Variants in LRFN1 observed in about 807,000 individuals in gnomAD.
LRFN1 encodes leucine-rich repeat and fibronectin type III domain-containing protein 1.
A neutral mutation model predicts 31.8 loss-of-function variants in LRFN1; 20 were observed. The observed-to-expected ratio is 0.63, with a 90% confidence interval of 0.44 to 0.91. The LOEUF (loss-of-function observed/expected upper bound fraction) is 0.91. LRFN1 is among the 40% of genes least tolerant of loss of function. LRFN1 has a pLI of 0.00. For missense variants in LRFN1, 912 were observed against 1,129.8 expected, an observed-to-expected ratio of 0.81 and a Z score of 2.76; for synonymous variants, 514 against 541.3, an observed-to-expected ratio of 0.95 and a Z score of 0.70.
rs1041255451 is a variant in LRFN1 at position 39,307,034 on chromosome 19, G to T, written c.*599C>A. On this transcript the variant is annotated 3_prime_UTR_variant, in exon 5 of 5. Coordinates refer to ENST00000248668, the MANE Select transcript of LRFN1 (RefSeq NM_020862.2). The surrounding 1 kb of genome is among the most constrained non-coding windows in gnomAD (Gnocchi z 6.7). ...AGGGCCGAGGGACAAGAGACGACAGGACAGAGAGAAAGGAGAGGCAAATAG... is the reference window on the plus strand; with the variant it reads ...AGGGCCGAGGGACAAGAGACGACAGTACAGAGAGAAAGGAGAGGCAAATAG... 1.2e-5 allele frequency: 4 copies of T among 343,746 alleles called. No individual in the cohort carries two copies. Among genetic ancestry groups the T allele is most frequent in the African/African-American group, 6.4e-5 (3 of 47,160 alleles). 21.3% of individuals were successfully genotyped at this position (343,746 alleles called of 1,614,324 possible).
Position 39,315,299 on chromosome 19 carries a change from G to A in LRFN1, c.38C>T (p.Pro13Leu), listed in dbSNP as rs2075168387. ...PGPFSSALLSPPPAALPFLLL... is the reference protein window; with the variant it reads ...PGPFSSALLSLPPAALPFLLL... ...CAGAAAGGGCAGGGCAGCGGGCGGC[G>A]GCGAGAGGAGGGCCGAGGAGAAGGG... The change falls in exon 4 of 5, where the codon CCG becomes CTG. Residue 13 changes from proline to leucine, a missense_variant. Coordinates refer to ENST00000248668, the MANE Select transcript of LRFN1 (RefSeq NM_020862.2). The surrounding 1 kb of genome is among the most constrained non-coding windows in gnomAD (Gnocchi z 4.7). The A allele has an allele frequency of 6.7e-7, 1 of 1,492,560 alleles. No individual in the cohort carries two copies. The highest frequency in any genetic ancestry group is 2.4e-5 in the East Asian group (1 of 41,456). 92.5% of individuals were successfully genotyped at this position (1,492,560 alleles called of 1,614,324 possible).
At chr19:39,317,927 C>T (rs561088304) in intron 2 of LRFN1, among the ~76,000 whole-genome samples, 4 of 152,286 alleles carry the variant, frequency 2.6e-5, no homozygotes, top group African/African-American at 9.6e-5. Context: ...CCCATGCACA[C>T]GCACATACAA....
intron 1 of LRFN1, 97 bp downstream of exon 1, chr19:39,320,695 AG>A (rs2075185889): frequency 6.7e-6 from 1 of 149,340 alleles, no homozygotes; most frequent in African/African-American, 2.5e-5. Context: ...GGCCCGCCGC[AG>A]CGCCACGGAC....
chr19:39,311,931 G>A (rs1021993953), intron 4 of LRFN1, among the ~76,000 whole-genome samples: 6 of 139,022 alleles, frequency 4.3e-5, no homozygotes, highest in East Asian at 2.1e-4. Flanking sequence ...ACCCAATGGC[G>A]CAATCTCCGC....
intron 4 of LRFN1, among the ~76,000 whole-genome samples, chr19:39,311,104 T>G: frequency 6.6e-6 from 1 of 152,086 alleles, no homozygotes; most frequent in African/African-American, 2.4e-5. Flanking sequence ...CCCCCACCCC[T>G]TTTCAAGGAC....
In LRFN1 at chr19:39,314,415, G is replaced by A; in HGVS notation, c.922C>T (p.Arg308Trp). 1 of 1,604,828 alleles carries A rather than the reference G, an allele frequency of 6.2e-7. No homozygotes were observed. Among genetic ancestry groups the A allele is most frequent in the South Asian group, 1.1e-5 (1 of 89,730 alleles). Residue 308 changes from arginine to tryptophan, a missense_variant, in exon 4 of 5, where the codon CGG becomes TGG. Transcript: ENST00000248668. ...PPLITRQAGG[R>W]ALVVEGQAVS... ...GCCTGGCCTTCCACCACCAGGGCCC[G>A]GCCCCCCGCCTGCCGTGTGATCAGC...
At chr19:39,316,942 G>A (rs1038478579) in intron 2 of LRFN1, among the ~76,000 whole-genome samples, 1 of 152,142 alleles carries the variant, frequency 6.6e-6, no homozygotes, top group African/African-American at 2.4e-5. Flanking sequence ...CTGTGTTTGG[G>A]GCTACGGCCT....
chr19:39,317,055 G>C (rs2075174301), intron 2 of LRFN1, among the ~76,000 whole-genome samples: 1 of 152,196 alleles, frequency 6.6e-6, no homozygotes, highest in Admixed American at 6.5e-5. Context: ...CAGGGGGAGG[G>C]AGAAGTGGAC....
Position 39,314,876 on chromosome 19 carries a change from G to A in LRFN1, c.461C>T (p.Ser154Leu). The A allele has an allele frequency of 1.2e-6, 2 of 1,609,948 alleles. No homozygotes were observed. Among genetic ancestry groups the A allele is most frequent in the Non-Finnish European group, 1.7e-6 (2 of 1,178,260 alleles). ...LGNNQIRRVE[S>L]AAFDAFLSTV... ...GGACAGGAAGGCGTCAAAGGCCGCC[G>A]ACTCCACCCGGCGGATCTGGTTGTT... The change falls in exon 4 of 5, where the codon TCG (serine) becomes TTG (leucine). Residue 154 changes from serine (S) to leucine (L), a missense_variant. Physicochemically the swap from Ser to Leu is moderately radical, Grantham distance 145 (BLOSUM62 -2). Transcript: ENST00000248668.
chr19:39,320,354 G>A (rs1344520152), intron 1 of LRFN1, among the ~76,000 whole-genome samples: 2 of 148,378 alleles, frequency 1.3e-5, no homozygotes, highest in Non-Finnish European at 1.5e-5. Context: ...ATGGACACCC[G>A]AGCGGGCACA....
chr19:39,307,584 C>T lies in LRFN1; in HGVS notation c.*49G>A. On this transcript the variant is annotated 3_prime_UTR_variant, in exon 5 of 5. Coordinates refer to ENST00000248668, the MANE Select transcript of LRFN1 (RefSeq NM_020862.2). The surrounding 1 kb of genome is among the most constrained non-coding windows in gnomAD (Gnocchi z 6.7). ...CAGTCCCGCCCCAGCGTCCGTGCGG[C>T]TGGGCGTTTGGTCTGCGGCACCCAG... 7.3e-7 allele frequency: 1 copy of T among 1,362,714 alleles called. No individual in the cohort carries two copies. Among genetic ancestry groups the T allele is most frequent in the Non-Finnish European group, 9.4e-7 (1 of 1,064,068 alleles). 84.4% of individuals were successfully genotyped at this position (1,362,714 alleles called of 1,614,324 possible). A position where few individuals can be genotyped will look rare whatever the true frequency, so the allele number is the denominator to read the frequency against.
At chr19:39,317,459 C>T (rs1278514585) in intron 2 of LRFN1, among the ~76,000 whole-genome samples, 1 of 152,160 alleles carries the variant, frequency 6.6e-6, no homozygotes, top group East Asian at 1.9e-4. Context: ...GTGGGGTCTT[C>T]AGGGCTCAGA....
At position 39,308,485 on chromosome 19, in the gene LRFN1, G is replaced by T; in HGVS notation, c.1464C>A (p.Ala488=). 6.2e-7 allele frequency: 1 copy of T among 1,604,062 alleles called. No individual in the cohort carries two copies. ...AGACCGCCAGCACGCACAAGTCGTA[G>T]GCACGGCCCGCCGCCAGGTCATTCA... The part of the protein sequence containing the change: ...FLVNDLAAGR[A]YDLCVLAVYD... The change falls in exon 5 of 5, where the codon GCC becomes GCA. Residue 488 remains alanine, a synonymous_variant. Coordinates refer to ENST00000248668, the MANE Select transcript of LRFN1 (RefSeq NM_020862.2). This position sits in a 1 kb window ranked among gnomAD's most constrained non-coding sequence, Gnocchi z 6.2.
At position 39,310,082 on chromosome 19, in the gene LRFN1, C is replaced by G. The variant is rs187792645; in HGVS notation, c.1407-1540G>C. On this transcript the variant is annotated intron_variant, in intron 4 of 4. Coordinates refer to ENST00000248668, the MANE Select transcript of LRFN1 (RefSeq NM_020862.2). ...AAGTGATTCTCCTGCCTCAGCCTCC[C>G]GGACAGCTGAGATTACAGGCACCCA... is the stretch of plus-strand genomic sequence containing the variant. Among the ~76,000 whole-genome samples, 61 of 152,278 alleles carry G rather than the reference C, an allele frequency of 4.0e-4. 1 individual carries two copies. The highest frequency in any genetic ancestry group is 8.5e-4 in the Admixed American group (13 of 15,300).
chr19:39,315,074 A>T lies in LRFN1; in HGVS notation c.263T>A (p.Met88Lys). 1 of 1,596,188 alleles carries T rather than the reference A, an allele frequency of 6.3e-7. No homozygotes were observed. Among genetic ancestry groups the T allele is most frequent in the Non-Finnish European group, 8.5e-7 (1 of 1,178,424 alleles). ...GAGAGTGAGGTGCACCAGGCTGGTC[A>T]TGTTGGCGAAGTCTCGGCGGCGCAC... ...AAVRRRDFAN[M>K]TSLVHLTLSR... is the part of the protein sequence containing the mutation. The change falls in exon 4 of 5, where the codon ATG (methionine) becomes AAG (lysine). Residue 88 changes from methionine (M) to lysine (K), a missense_variant. By Grantham distance (95) the Met-to-Lys change is moderately conservative (BLOSUM62 -1). Around this residue, in one of 2 missense-constraint regions of LRFN1, gnomAD observed 401 missense variants for 572.7 expected, o/e 0.70. Coordinates refer to ENST00000248668, the MANE Select transcript of LRFN1 (RefSeq NM_020862.2). This position sits in a 1 kb window ranked among gnomAD's most constrained non-coding sequence, Gnocchi z 4.7.
chr19:39,311,875 CT>C (rs562002567), intron 4 of LRFN1, among the ~76,000 whole-genome samples: 3,714 of 100,568 alleles, frequency 0.037, 70 homozygotes, highest in African/African-American at 0.094. Context: ...AAAAGGGAGG[CT>C]TTTTTTTTTT....
chr19:39,308,058 C>T lies in LRFN1; in HGVS notation c.1891G>A (p.Ala631Thr). 6.6e-7 allele frequency: 1 copy of T among 1,514,030 alleles called. No homozygotes were observed. 93.8% of individuals were successfully genotyped at this position (1,514,030 alleles called of 1,614,324 possible). The change falls in exon 5 of 5, where the codon GCA becomes ACA. Residue 631 changes from alanine to threonine, a missense_variant. Ala to Thr is a moderately conservative substitution (Grantham distance 58, BLOSUM62 0). Transcript: ENST00000248668. This position sits in a 1 kb window ranked among gnomAD's most constrained non-coding sequence, Gnocchi z 6.2. ...VEAKAMEAET[A>T]SAEPEVVLGR... is the part of the protein sequence containing the mutation. ...AGGACCACCTCCGGCTCCGCGGATG[C>T]CGTCTCGGCCTCCATGGCCTTGGCC...
chr19:39,307,579 T>C lies in LRFN1; in HGVS notation c.*54A>G. 1 of 1,353,586 alleles carries C rather than the reference T, an allele frequency of 7.4e-7. No individual in the cohort carries two copies. Among genetic ancestry groups the C allele is most frequent in the Non-Finnish European group, 9.5e-7 (1 of 1,056,522 alleles). The allele number at this position is 1,353,586 out of a possible 1,614,324, so 83.8% of individuals were successfully genotyped here. ...TCTCCCAGTCCCGCCCCAGCGTCCG[T>C]GCGGCTGGGCGTTTGGTCTGCGGCA... On this transcript the variant is annotated 3_prime_UTR_variant, in exon 5 of 5. Coordinates refer to ENST00000248668, the MANE Select transcript of LRFN1 (RefSeq NM_020862.2). This position sits in a 1 kb window ranked among gnomAD's most constrained non-coding sequence, Gnocchi z 6.7.
In LRFN1 at chr19:39,308,423, A is replaced by G. The variant is rs761391871; in HGVS notation, c.1526T>C (p.Val509Ala). The change falls in exon 5 of 5, where the codon GTG (valine) becomes GCG (alanine). Residue 509 changes from valine to alanine, a missense_variant. Transcript: ENST00000248668. This position sits in a 1 kb window ranked among gnomAD's most constrained non-coding sequence, Gnocchi z 6.2. ...GGTGGTGAACTGTACACAGCCCACC[A>G]CTCGCGTTGCCGGCAGCGCTGTGGC... Reference protein sequence around the residue: ...DGATALPATRVVGCVQFTTAG... With the variant: ...DGATALPATRAVGCVQFTTAG... 17 of 1,611,150 alleles carry G rather than the reference A, an allele frequency of 1.1e-5. No individual in the cohort carries two copies. Among genetic ancestry groups the G allele is most frequent in the Middle Eastern group, 1.6e-4 (1 of 6,080 alleles).
Sources: allele counts gnomAD v4.1 joint callset (sites outside exome capture counted in the v4.1 genomes callset), GRCh38; gene constraint gnomAD v4.1.1; regional missense constraint gnomAD v4.1.1; non-coding constraint Gnocchi (gnomAD v3.1); transcripts MANE v1.5; gene names NCBI Gene and HGNC (gene_info 2026-07-23, HGNC 2026-07-21).